Variants in SUSD6 observed in about 807,000 individuals in gnomAD.
SUSD6 encodes sushi domain-containing protein 6.
A neutral mutation model predicts 28.4 loss-of-function variants in SUSD6; 16 were observed. The observed-to-expected ratio is 0.56, with a 90% CI of 0.38 to 0.86. The LOEUF (loss-of-function observed/expected upper bound fraction) is 0.86, where lower values mean the gene tolerates loss of function less well. SUSD6 is among the 40% of genes least tolerant of loss of function. The pLI is 0.00. For missense variants in SUSD6, 341 were observed against 384.2 expected (o/e 0.89, Z 0.94); for synonymous variants, 147 against 159.6 (o/e 0.92, Z 0.59).
chr14:69,649,431 G>A (rs1885472817), intron 1 of SUSD6, among the ~76,000 whole-genome samples: 1 of 152,214 alleles, frequency 6.6e-6, no homozygotes, highest in Non-Finnish European at 1.5e-5. Context: ...CTAGGGTCTA[G>A]GAACCAATTA....
chr14:69,706,134 G>A (rs530749001), intron 4 of SUSD6, among the ~76,000 whole-genome samples: 2 of 152,166 alleles, frequency 1.3e-5, no homozygotes, highest in Admixed American at 6.5e-5. Context: ...TTGGGAAGAG[G>A]CTAGCAGTTA....
chr14:69,640,077 G>A (rs1306929938), intron 1 of SUSD6, among the ~76,000 whole-genome samples: 1 of 150,914 alleles, frequency 6.6e-6, no homozygotes, highest in African/African-American at 2.4e-5. Context: ...TTTAGTGGGG[G>A]AGGGAGGAAC....
intron 1 of SUSD6, among the ~76,000 whole-genome samples, chr14:69,646,619 C>T (rs1452935455): frequency 3.3e-5 from 5 of 151,908 alleles, no homozygotes; most frequent in African/African-American, 9.7e-5. Flanking sequence ...TGCTTATTCA[C>T]CTGTATTCTT....
intron 1 of SUSD6, among the ~76,000 whole-genome samples, chr14:69,619,686 G>A (rs547931963): frequency 6.6e-6 from 1 of 152,002 alleles, no homozygotes; most frequent in African/African-American, 2.4e-5. Flanking sequence ...TTGGGGGATC[G>A]CTTGAGCTTG....
At chr14:69,613,670 G>T (rs1458714730) in intron 1 of SUSD6, among the ~76,000 whole-genome samples, 7 of 152,208 alleles carry the variant, frequency 4.6e-5, no homozygotes, top group African/African-American at 1.7e-4. Context: ...AGCTTTCATT[G>T]CTGGCCATTT....
intron 1 of SUSD6, among the ~76,000 whole-genome samples, chr14:69,615,221 C>G (rs2139587346): frequency 6.6e-6 from 1 of 152,300 alleles, no homozygotes; most frequent in Non-Finnish European, 1.5e-5. Flanking sequence ...AATAGAGACT[C>G]TTTCCCCAGG....
At chr14:69,675,300 A>G (rs1447081225) in intron 2 of SUSD6, among the ~76,000 whole-genome samples, 1 of 152,116 alleles carries the variant, frequency 6.6e-6, no homozygotes, top group Non-Finnish European at 1.5e-5. Context: ...GGCAATATAT[A>G]TGCAAGCTTT....
chr14:69,659,958 G>A (rs1885639042), intron 2 of SUSD6, among the ~76,000 whole-genome samples: 2 of 152,148 alleles, frequency 1.3e-5, no homozygotes, highest in Non-Finnish European at 2.9e-5. Context: ...CCTCTGGGTG[G>A]TGTGCCACAA....
chr14:69,630,186 C>T (rs1885173250), intron 1 of SUSD6, among the ~76,000 whole-genome samples: 1 of 152,122 alleles, frequency 6.6e-6, no homozygotes, highest in African/African-American at 2.4e-5. Flanking sequence ...CTTGTGTACC[C>T]ACTTAAAAGA....
chr14:69,639,566 G>A (rs1239125396), intron 1 of SUSD6, among the ~76,000 whole-genome samples: 1 of 152,116 alleles, frequency 6.6e-6, no homozygotes, highest in East Asian at 1.9e-4. Flanking sequence ...TCACGGAGTT[G>A]GTCTGGGGAC....
At chr14:69,628,379 G>T (rs992081874) in intron 1 of SUSD6, among the ~76,000 whole-genome samples, 4 of 152,208 alleles carry the variant, frequency 2.6e-5, no homozygotes, top group Non-Finnish European at 5.9e-5. Context: ...TACTAATGGG[G>T]CTGTGTGCTT....
intron 1 of SUSD6, among the ~76,000 whole-genome samples, chr14:69,644,656 T>A (rs972062840): frequency 5.3e-5 from 8 of 151,568 alleles, no homozygotes; most frequent in Admixed American, 1.3e-4. Flanking sequence ...AAAAAAAAAA[T>A]TAATTATTTC....
In SUSD6 at chr14:69,658,603, G is replaced by T. The variant is rs148135611; in HGVS notation, c.11G>T (p.Gly4Val). The T allele has an allele frequency of 3.1e-6, 5 of 1,613,964 alleles. No individual in the cohort carries two copies. The highest frequency in any genetic ancestry group is 1.3e-5 in the African/African-American group (1 of 74,894). Reference protein sequence around the residue: MCHGRIAPKSTSVF... With the variant: MCHVRIAPKSTSVF... ...TTGGACGGATAAAAGATGTGCCATG[G>T]CAGGATAGCACCAAAGAGCACCTCA... The change falls in exon 2 of 6, where the codon GGC becomes GTC. Residue 4 changes from glycine to valine, a missense_variant. Transcript: ENST00000342745.
In SUSD6 at chr14:69,704,727, CTT is replaced by C; in HGVS notation, c.445_446del (p.Phe149ProfsTer3). ...GTGCTGCTGCAGCCAAAGCTGAAGT[CTT>C]TCCATCATAGCAGGTGAGTCCAGTG... On this transcript the variant is annotated frameshift_variant, in exon 4 of 6. Transcript: ENST00000342745. LOFTEE classifies it high-confidence loss of function. 1 of 1,614,090 alleles carries C rather than the reference CTT, an allele frequency of 6.2e-7. No individual in the cohort carries two copies. Among genetic ancestry groups the C allele is most frequent in the Non-Finnish European group, 8.5e-7 (1 of 1,179,990 alleles).
At chr14:69,686,942 CTT>C (rs1018454250) in intron 2 of SUSD6, among the ~76,000 whole-genome samples, 12 of 152,136 alleles carry the variant, frequency 7.9e-5, no homozygotes, top group African/African-American at 2.9e-4. Context: ...TTTCTGCCAT[CTT>C]TATTCTATTT....
chr14:69,628,829 C>T (rs1885153665), intron 1 of SUSD6, among the ~76,000 whole-genome samples: 1 of 151,512 alleles, frequency 6.6e-6, no homozygotes, highest in Non-Finnish European at 1.5e-5. Flanking sequence ...CAGCCCCCAA[C>T]CCCAGTAGCT....
intron 4 of SUSD6, among the ~76,000 whole-genome samples, chr14:69,707,835 TTAAAA>T (rs1184903033): frequency 2.0e-5 from 3 of 152,352 alleles, no homozygotes; most frequent in African/African-American, 7.2e-5. Context: ...AGTAGAACTG[TTAAAA>T]TAAAAAGCAA....
At chr14:69,651,872 T>C (rs988448829) in intron 1 of SUSD6, among the ~76,000 whole-genome samples, 4 of 152,220 alleles carry the variant, frequency 2.6e-5, no homozygotes, top group Admixed American at 6.5e-5. Context: ...CTCTTACTTA[T>C]CACACCCCTC....
In SUSD6 at chr14:69,702,406, C is replaced by T. The variant is rs570986731; in HGVS notation, c.122-989C>T. Among the ~76,000 whole-genome samples the T allele has an allele frequency of 7.2e-5, 11 of 152,246 alleles. No homozygotes were observed. The South Asian group carries it at 2.1e-3, about 29-fold the overall frequency. On this transcript the variant is annotated intron_variant, in intron 2 of 5. Transcript: ENST00000342745. ...AGTCCAGAGTGGAATCAGAGGTTGT[C>T]CTTTTCCTCCTCAGGTCCACTCAGA... is the stretch of plus-strand genomic sequence containing the variant.
Sources: gnomAD v4.1 joint callset for allele counts (sites outside exome capture counted in the v4.1 genomes callset) on GRCh38, gnomAD v4.1.1 for gene constraint, MANE v1.5 for transcripts, NCBI Gene and HGNC (gene_info 2026-07-23, HGNC 2026-07-21) for gene names.